The following ZNF143 variants were observed in gnomAD, a reference collection of about 807,000 sequenced individuals.
The protein encoded by ZNF143 is zinc finger protein 143.
A neutral mutation model predicts 74.1 loss-of-function variants in ZNF143; 49 were observed. The observed-to-expected ratio is 0.66, with a 90% CI of 0.53 to 0.84. The LOEUF (loss-of-function observed/expected upper bound fraction) is 0.84. Ranked by LOEUF, ZNF143 falls within the 40% of genes least tolerant of loss-of-function variation. ZNF143 has a pLI of 0.00. For missense variants in ZNF143, 637 were observed against 793.4 expected, an observed-to-expected ratio of 0.80 and a Z score of 2.37; for synonymous variants, 304 against 282.8, an observed-to-expected ratio of 1.07 and a Z score of -0.75.
chr11:9,486,371 A>AATATATTATAT (rs1847491246), intron 7 of ZNF143, among the ~76,000 whole-genome samples: 4 of 36,718 alleles, frequency 1.1e-4, no homozygotes, highest in African/African-American at 3.8e-4. Flanking sequence ...TATTATATAT[A>AATATATTATAT]ATATATTATA....
At chr11:9,512,404 A>G (rs751397509) in intron 12 of ZNF143, 44 bp from the exon 13 acceptor site, 13 of 1,590,436 alleles carry the variant, frequency 8.2e-6, no homozygotes, top group East Asian at 2.2e-5. Context: ...TTTCTAAACA[A>G]ATTGGTTGGT....
chr11:9,489,269 T>TTAGCA (rs1847678322), intron 7 of ZNF143, among the ~76,000 whole-genome samples: 2 of 152,184 alleles, frequency 1.3e-5, no homozygotes, highest in African/African-American at 4.8e-5. Context: ...TATAATTCTC[T>TTAGCA]TAGCATGCCA....
intron 1 of ZNF143, 121 bp downstream of exon 1, chr11:9,461,197 G>T (rs1206040555): frequency 8.7e-6 from 5 of 572,816 alleles, no homozygotes; most frequent in African/African-American, 2.0e-5. Context: ...AGCCTCCGCC[G>T]CAGGCCTTGC....
intron 7 of ZNF143, 45 bp downstream of exon 7, chr11:9,479,591 C>A: frequency 6.7e-7 from 1 of 1,492,462 alleles, no homozygotes; most frequent in South Asian, 1.1e-5. Flanking sequence ...CTTAGCATTT[C>A]TGTGCCCTTC....
intron 7 of ZNF143, among the ~76,000 whole-genome samples, chr11:9,494,172 C>G (rs1847879906): frequency 1.3e-5 from 2 of 152,148 alleles, no homozygotes; most frequent in Admixed American, 1.3e-4. Flanking sequence ...TTCAACCATG[C>G]AATGGAATTA....
chr11:9,461,160 G>A (rs990037534), intron 1 of ZNF143, 84 bp downstream of exon 1: 8 of 880,434 alleles, frequency 9.1e-6, no homozygotes, highest in Non-Finnish European at 1.1e-5. Context: ...GGGCCCGCTT[G>A]GGCCCGGGCT....
chr11:9,501,137 T>C lies in ZNF143; in HGVS notation c.1014T>C (p.Phe338=). Reference sequence around the variant, plus strand: ...CCTTCGAAGGCTGCGGTCGGTCCTTTACAACATCAAATATCAGAAAAGTGC... The same window carrying C: ...CCTTCGAAGGCTGCGGTCGGTCCTTCACAACATCAAATATCAGAAAAGTGC... ...KCPFEGCGRS[F]TTSNIRKVHV... is the part of the protein sequence containing the mutation. Residue 338 remains phenylalanine (F), a synonymous_variant, in exon 11 of 16, where the codon TTT becomes TTC. Coordinates refer to ENST00000396602, the MANE Select transcript of ZNF143 (RefSeq NM_003442.6). 6.2e-7 allele frequency: 1 copy of C among 1,614,204 alleles called. No homozygotes were observed. The highest frequency in any genetic ancestry group is 8.5e-7 in the Non-Finnish European group (1 of 1,180,046).
intron 1 of ZNF143, among the ~76,000 whole-genome samples, chr11:9,466,905 T>TG (rs1237220356): frequency 3.3e-5 from 5 of 151,692 alleles, no homozygotes; most frequent in Non-Finnish European, 5.9e-5. Flanking sequence ...TGTGTGTGTG[T>TG]TTTTTTGACA....
chr11:9,471,281 G>A (rs777676440), intron 1 of ZNF143, 21 bp from the exon 2 acceptor site: 206 of 1,562,868 alleles, frequency 1.3e-4, no homozygotes, highest in Non-Finnish European at 1.8e-4. Context: ...TTGTTCCCAA[G>A]TGTCTTTATT....
chr11:9,488,247 C>A (rs1481609444), intron 7 of ZNF143, among the ~76,000 whole-genome samples: 1 of 152,118 alleles, frequency 6.6e-6, no homozygotes, highest in African/African-American at 2.4e-5. Context: ...GAGACCCTGT[C>A]TTGAAAAAAA....
chr11:9,488,953 A>G (rs1847666563), intron 7 of ZNF143, among the ~76,000 whole-genome samples: 1 of 152,202 alleles, frequency 6.6e-6, no homozygotes, highest in Admixed American at 6.5e-5. Flanking sequence ...TTGGAGATAA[A>G]GATCTTTGCA....
At chr11:9,487,184 C>T (rs1385304197) in intron 7 of ZNF143, among the ~76,000 whole-genome samples, 10 of 150,166 alleles carry the variant, frequency 6.7e-5, no homozygotes, top group African/African-American at 2.5e-4. Flanking sequence ...CCAGGCTGGT[C>T]TCGAACTCCT....
chr11:9,471,493 C>G, intron 2 of ZNF143, 73 bp downstream of exon 2: 1 of 1,108,448 alleles, frequency 9.0e-7, no homozygotes. Flanking sequence ...TTACAACTTC[C>G]TAGTTCCTGA....
chr11:9,478,847 A>G (rs569196241), intron 6 of ZNF143, among the ~76,000 whole-genome samples: 5 of 152,286 alleles, frequency 3.3e-5, no homozygotes, highest in African/African-American at 9.6e-5. Context: ...AGTTAGTATC[A>G]AAGAGATCAG....
chr11:9,509,559 T>G (rs936539607), intron 12 of ZNF143, among the ~76,000 whole-genome samples: 1 of 152,242 alleles, frequency 6.6e-6, no homozygotes, highest in African/African-American at 2.4e-5. Flanking sequence ...ACAGTTTCAT[T>G]GAGTACCTCC....
chr11:9,510,228 C>T (rs1187437957), intron 12 of ZNF143, among the ~76,000 whole-genome samples: 1 of 151,534 alleles, frequency 6.6e-6, no homozygotes, highest in Non-Finnish European at 1.5e-5. Flanking sequence ...GGGTTCATTC[C>T]ATTCTCCTGC....
In ZNF143 at chr11:9,475,519, A is replaced by T. The variant is rs565244524; in HGVS notation, c.373+886A>T. 2.6e-5 allele frequency among the ~76,000 whole-genome samples: 4 copies of T among 152,286 alleles called. No homozygotes were observed. The East Asian group carries it at 7.7e-4, about 29-fold the overall frequency. ...TGGTCCTGAACTCCTGGCCTCAAGC[A>T]GTCCTCCTGCTCCGACCTCCCAAAG... On this transcript the variant is annotated intron_variant, in intron 5 of 15. Coordinates refer to ENST00000396602, the MANE Select transcript of ZNF143 (RefSeq NM_003442.6).
intron 14 of ZNF143, among the ~76,000 whole-genome samples, chr11:9,516,987 T>A (rs1419823863): frequency 6.6e-6 from 1 of 152,212 alleles, no homozygotes; most frequent in Non-Finnish European, 1.5e-5. Context: ...ACGTCATGGC[T>A]CACTGCAGCC....
Position 9,471,929 on chromosome 11 carries a change from T to C in ZNF143, c.112+509T>C, listed in dbSNP as rs189617161. Among the ~76,000 whole-genome samples the C allele has an allele frequency of 3.4e-3, 435 of 127,004 alleles. 4 individuals are homozygous for C. The highest frequency in any genetic ancestry group is 0.013 in the African/African-American group (417 of 32,836). 83.3% of individuals were successfully genotyped at this position (127,004 alleles called of 152,430 possible). A position where few individuals can be genotyped will look rare whatever the true frequency, so the allele number is the denominator to read the frequency against. ...TTTTCTTTTTCTTTTTCTTTTCTTTTCTTTTGTTTTTTTTTTTTGAGACAA... is the reference window on the plus strand; with the variant it reads ...TTTTCTTTTTCTTTTTCTTTTCTTTCCTTTTGTTTTTTTTTTTTGAGACAA... On this transcript the variant is annotated intron_variant, in intron 2 of 15. Coordinates refer to ENST00000396602, the MANE Select transcript of ZNF143 (RefSeq NM_003442.6).
Sources: gnomAD v4.1 joint callset for allele counts (sites outside exome capture counted in the v4.1 genomes callset) on GRCh38, gnomAD v4.1.1 for gene constraint, MANE v1.5 for transcripts, NCBI Gene and HGNC (gene_info 2026-07-23, HGNC 2026-07-21) for gene names.